The following SDK1 variants were observed in gnomAD, a reference collection of about 807,000 sequenced individuals.
SDK1 encodes the protein protein sidekick-1.
SDK1 carries 157 observed loss-of-function variants against 245.5 expected under a neutral mutation model. The ratio of observed to expected loss-of-function variants is 0.64; its 90% confidence interval spans 0.56 to 0.73. SDK1 has a LOEUF of 0.73. SDK1 is among the 30% of genes least tolerant of loss of function. SDK1 has a pLI of 0.00. For missense variants in SDK1, 3,583 were observed against 3,002.3 expected (o/e 1.19, Z -4.52); for synonymous variants, 1,647 against 1,278.5 (o/e 1.29, Z -6.15).
chr7:3,936,925 G>C (rs976856075), intron 5 of SDK1, among the ~76,000 whole-genome samples: 5 of 152,130 alleles, frequency 3.3e-5, no homozygotes, highest in Non-Finnish European at 7.3e-5. Context: ...AGGGCAGAGG[G>C]GAATGTTTCA....
At chr7:3,716,114 CAAA>C (rs34348813) in intron 4 of SDK1, among the ~76,000 whole-genome samples, 4 of 82,114 alleles carry the variant, frequency 4.9e-5, no homozygotes, top group Admixed American at 2.5e-4. Context: ...AAAAGGTAGA[CAAA>C]AAAAAAAAAA....
At chr7:3,593,495 C>T (rs1442480713) in intron 1 of SDK1, among the ~76,000 whole-genome samples, 2 of 152,218 alleles carry the variant, frequency 1.3e-5, no homozygotes, top group African/African-American at 4.8e-5. Context: ...TTTGGAACAT[C>T]ATTCCTTTGA....
intron 19 of SDK1, among the ~76,000 whole-genome samples, 175 bp downstream of exon 19, chr7:4,052,005 G>A (rs1473304990): frequency 6.6e-6 from 1 of 152,154 alleles, no homozygotes; most frequent in African/African-American, 2.4e-5. Context: ...ATGCCTCGCA[G>A]AGGATGGCAC....
chr7:3,358,508 C>G (rs1294691703), intron 1 of SDK1, among the ~76,000 whole-genome samples: 2 of 151,960 alleles, frequency 1.3e-5, no homozygotes, highest in Non-Finnish European at 2.9e-5. Context: ...CAGGGCTAAC[C>G]CATAGGTAGT....
At chr7:3,761,489 G>C (rs1780101218) in intron 4 of SDK1, among the ~76,000 whole-genome samples, 1 of 150,626 alleles carries the variant, frequency 6.6e-6, no homozygotes, top group African/African-American at 2.4e-5. Context: ...GGGAGGCGGA[G>C]CTTGCAGTGA....
chr7:3,949,487 T>C (rs1016895295), intron 5 of SDK1, among the ~76,000 whole-genome samples: 1 of 152,224 alleles, frequency 6.6e-6, no homozygotes, highest in African/African-American at 2.4e-5. Context: ...AACCTTTCAG[T>C]TGCCAGAATC....
chr7:3,320,405 T>C (rs1435502703), intron 1 of SDK1, among the ~76,000 whole-genome samples: 1 of 152,160 alleles, frequency 6.6e-6, no homozygotes, highest in Non-Finnish European at 1.5e-5. Context: ...GTTACTATAG[T>C]AACATGCTGC....
chr7:3,980,798 C>T (rs149402930), intron 13 of SDK1, among the ~76,000 whole-genome samples: 33 of 152,140 alleles, frequency 2.2e-4, no homozygotes, highest in African/African-American at 6.0e-4. Flanking sequence ...AAAAATTAGC[C>T]GGGCGTGGTG....
intron 44 of SDK1, among the ~76,000 whole-genome samples, chr7:4,258,598 T>A (rs1484336990): frequency 3.3e-5 from 5 of 152,248 alleles, no homozygotes. Flanking sequence ...GAAACCAGGC[T>A]GGTTTTGGCC....
At chr7:3,380,800 A>T (rs746299559) in intron 1 of SDK1, among the ~76,000 whole-genome samples, 32 of 152,134 alleles carry the variant, frequency 2.1e-4, no homozygotes, top group Non-Finnish European at 4.1e-4. Flanking sequence ...AGGGCCTGCT[A>T]GTTGGCTTGT....
chr7:3,499,162 A>G lies in SDK1; in HGVS notation c.299-119918A>G, dbSNP rs1029681036. On this transcript the variant is annotated intron_variant, in intron 1 of 44. Coordinates refer to ENST00000404826, the MANE Select transcript of SDK1 (RefSeq NM_152744.4). ...TGTTTGGAAAAACCTGGCTTTCTGAATAGCTGAAATTTTACGCATTTCAGC... is the reference window on the plus strand; with the variant it reads ...TGTTTGGAAAAACCTGGCTTTCTGAGTAGCTGAAATTTTACGCATTTCAGC... Among the ~76,000 whole-genome samples, 9 of 152,336 alleles carry G rather than the reference A, an allele frequency of 5.9e-5. No individual in the cohort carries two copies. The Middle Eastern group carries it at 0.01, about 173-fold the overall frequency.
intron 19 of SDK1, among the ~76,000 whole-genome samples, chr7:4,055,679 GT>G (rs1779151225): frequency 6.6e-6 from 1 of 151,706 alleles, no homozygotes. Flanking sequence ...TGCTTTGAGT[GT>G]ATTTTGCTCT....
chr7:3,988,748 C>T (rs190187833), intron 14 of SDK1, among the ~76,000 whole-genome samples: 21 of 152,226 alleles, frequency 1.4e-4, no homozygotes, highest in African/African-American at 2.2e-4. Flanking sequence ...CTCTCCAGCA[C>T]GCCAGCCCGA....
In SDK1 at chr7:4,009,937, C is replaced by T. The variant is rs1001025011; in HGVS notation, c.2132-1029C>T. 6.6e-5 allele frequency among the ~76,000 whole-genome samples: 10 copies of T among 152,284 alleles called. 1 individual carries two copies. In the South Asian group the frequency reaches 1.9e-3, roughly 28 times the overall value. ...TTGGGGCTGCAGGTTTTTGGAGAAG[C>T]GGCTGGGATTTTATGTGTGGATGCT... On this transcript the variant is annotated intron_variant, in intron 14 of 44. Coordinates refer to ENST00000404826, the MANE Select transcript of SDK1 (RefSeq NM_152744.4).
At chr7:3,826,554 C>T (rs571845471) in intron 5 of SDK1, among the ~76,000 whole-genome samples, 6 of 152,272 alleles carry the variant, frequency 3.9e-5, no homozygotes, top group African/African-American at 1.2e-4. Context: ...CCCAGAAATG[C>T]CGTCGTCTTC....
At position 4,065,395 on chromosome 7, in the gene SDK1, G is replaced by A. The variant is rs189420705; in HGVS notation, c.2912-2443G>A. Among the ~76,000 whole-genome samples the A allele has an allele frequency of 9.0e-4, 137 of 152,270 alleles. 1 individual carries two copies. Among genetic ancestry groups the A allele is most frequent in the Non-Finnish European group, 1.7e-3 (117 of 68,030 alleles). Reference sequence around the variant, plus strand: ...AATATAAATTTTAAGCTGAGACATCGCCAGCTGATTGCAGCAGAGCTAGAG... The same window carrying A: ...AATATAAATTTTAAGCTGAGACATCACCAGCTGATTGCAGCAGAGCTAGAG... On this transcript the variant is annotated intron_variant, in intron 19 of 44. Coordinates refer to ENST00000404826, the MANE Select transcript of SDK1 (RefSeq NM_152744.4).
At chr7:3,491,108 C>G (rs145202835) in intron 1 of SDK1, among the ~76,000 whole-genome samples, 2 of 152,306 alleles carry the variant, frequency 1.3e-5, no homozygotes, top group Non-Finnish European at 2.9e-5. Context: ...GGTTAAGGAC[C>G]TTGTCACTGA....
At chr7:3,648,082 A>G (rs1431347743) in intron 4 of SDK1, among the ~76,000 whole-genome samples, 4 of 152,356 alleles carry the variant, frequency 2.6e-5, no homozygotes, top group African/African-American at 9.6e-5. Context: ...CTATCTTTGC[A>G]TATCAAAGAT....
chr7:3,752,932 A>G (rs986953290), intron 4 of SDK1, among the ~76,000 whole-genome samples: 4 of 152,188 alleles, frequency 2.6e-5, no homozygotes, highest in Non-Finnish European at 5.9e-5. Context: ...TTTTCTATCT[A>G]AATTTTGTTG....
Sources: allele counts gnomAD v4.1 joint callset (sites outside exome capture counted in the v4.1 genomes callset), GRCh38; gene constraint gnomAD v4.1.1; transcripts MANE v1.5; gene names NCBI Gene and HGNC (gene_info 2026-07-23, HGNC 2026-07-21).